TNKS: variants seen among roughly 807,000 people sequenced by gnomAD.
The protein encoded by TNKS is tankyrase.
TNKS carries 72 observed loss-of-function variants against 135.8 expected under a neutral mutation model. The observed-to-expected ratio is 0.53, with a 90% CI of 0.44 to 0.64. The LOEUF (loss-of-function observed/expected upper bound fraction) is 0.64, where lower values mean the gene tolerates loss of function less well. Among genes scored for constraint, TNKS ranks in the 30% least tolerant of loss-of-function variants. The pLI, the probability that TNKS is intolerant of heterozygous loss-of-function variation, is 0.00. For missense variants in TNKS, 1,769 were observed against 1,674.0 expected, an observed-to-expected ratio of 1.06 and a Z score of -0.99; for synonymous variants, 849 against 649.3, an observed-to-expected ratio of 1.31 and a Z score of -4.68.
At chr8:9,615,451 CT>C (rs970372143) in intron 2 of TNKS, 130 bp from the exon 3 acceptor site, 203 of 649,568 alleles carry the variant, frequency 3.1e-4, no homozygotes, top group African/African-American at 1.2e-3. Flanking sequence ...TGCTTTTTTT[CT>C]TTTTTTTTCT....
Position 9,777,134 on chromosome 8 carries a change from G to C in TNKS, c.*398G>C, listed in dbSNP as rs541267471. The C allele has an allele frequency of 6.2e-6, 1 of 162,570 alleles. No homozygotes were observed. Among genetic ancestry groups the C allele is most frequent in the African/African-American group, 2.4e-5 (1 of 41,722 alleles). The allele number at this position is 162,570 out of a possible 1,614,324, so 10.1% of individuals were successfully genotyped here. ...CTATAACAAATATACACATACGACA[G>C]GCAACAAGCTTGTTTTTGATTTGCC... On this transcript the variant is annotated 3_prime_UTR_variant, in exon 27 of 27. Transcript: ENST00000310430.
chr8:9,696,184 G>C (rs879743679), intron 5 of TNKS, among the ~76,000 whole-genome samples: 4 of 152,120 alleles, frequency 2.6e-5, no homozygotes, highest in Non-Finnish European at 5.9e-5. Context: ...GAATGAGTTA[G>C]ACAATGTAGA....
At chr8:9,574,594 A>G (rs937655017) in intron 1 of TNKS, among the ~76,000 whole-genome samples, 18 of 152,326 alleles carry the variant, frequency 1.2e-4, no homozygotes, top group Admixed American at 7.2e-4. Flanking sequence ...CATACTTACA[A>G]TGAAACCCAA....
At chr8:9,595,665 T>C (rs1328326285) in intron 2 of TNKS, among the ~76,000 whole-genome samples, 2 of 152,050 alleles carry the variant, frequency 1.3e-5, no homozygotes, top group East Asian at 3.9e-4. Context: ...TGAAGATGCT[T>C]AAATTAGGTG....
chr8:9,680,124 T>C, intron 4 of TNKS, 137 bp downstream of exon 4: 1 of 619,250 alleles, frequency 1.6e-6, no homozygotes, highest in South Asian at 2.2e-5. Context: ...TAAATCTTTA[T>C]GTACTTTATA....
At chr8:9,769,809 C>T (rs547701011) in intron 25 of TNKS, among the ~76,000 whole-genome samples, 2 of 151,718 alleles carry the variant, frequency 1.3e-5, no homozygotes, top group South Asian at 2.1e-4. Context: ...TTAGTAGAGA[C>T]GAGGTTTTTA....
chr8:9,638,421 TAA>T (rs1337277651), intron 3 of TNKS, among the ~76,000 whole-genome samples: 7 of 152,236 alleles, frequency 4.6e-5, no homozygotes, highest in Admixed American at 4.6e-4. Flanking sequence ...GTTTTGGAAC[TAA>T]AAATCTTCTG....
At chr8:9,764,605 A>G in intron 22 of TNKS, 111 bp from the exon 23 acceptor site, 1 of 670,154 alleles carries the variant, frequency 1.5e-6, no homozygotes, top group Non-Finnish European at 2.3e-6. Flanking sequence ...AAACTTGTTC[A>G]TCAATTTATA....
chr8:9,724,320 G>C (rs1340467184), intron 12 of TNKS, among the ~76,000 whole-genome samples: 2 of 152,096 alleles, frequency 1.3e-5, no homozygotes, highest in African/African-American at 4.8e-5. Flanking sequence ...GGGTATGGTG[G>C]TGCATGCCTA....
intron 1 of TNKS, chr8:9,557,572 T>G (rs966238216): frequency 6.6e-6 from 1 of 152,154 alleles, no homozygotes; most frequent in South Asian, 2.1e-4. Flanking sequence ...ATTAGAAACA[T>G]TATATTGGAA....
chr8:9,569,266 A>C (rs138109466), intron 1 of TNKS, among the ~76,000 whole-genome samples: 1 of 152,336 alleles, frequency 6.6e-6, no homozygotes, highest in Admixed American at 6.5e-5. Context: ...TAGTGTGGAC[A>C]TAGCTCCATA....
At chr8:9,718,277 A>G (rs1804708583) in intron 11 of TNKS, among the ~76,000 whole-genome samples, 1 of 152,166 alleles carries the variant, frequency 6.6e-6, no homozygotes, top group African/African-American at 2.4e-5. Context: ...ACTTGAAATC[A>G]GCTTTTAGGT....
intron 3 of TNKS, among the ~76,000 whole-genome samples, chr8:9,677,950 A>T (rs1802615535): frequency 6.6e-6 from 1 of 152,044 alleles, no homozygotes; most frequent in South Asian, 2.1e-4. Context: ...AAAACTGCTC[A>T]AGTTTCCCCT....
chr8:9,748,910 C>T (rs1292809177), intron 18 of TNKS, among the ~76,000 whole-genome samples: 2 of 152,162 alleles, frequency 1.3e-5, no homozygotes, highest in African/African-American at 4.8e-5. Flanking sequence ...ATAAAGACGG[C>T]TTCATTCATA....
chr8:9,628,188 G>C (rs1268171166), intron 3 of TNKS, among the ~76,000 whole-genome samples: 1 of 151,760 alleles, frequency 6.6e-6, no homozygotes, highest in Non-Finnish European at 1.5e-5. Context: ...ACATTCTTTT[G>C]TGTCAATTCT....
At chr8:9,662,432 C>T (rs966344073) in intron 3 of TNKS, among the ~76,000 whole-genome samples, 2 of 152,144 alleles carry the variant, frequency 1.3e-5, no homozygotes, top group Non-Finnish European at 2.9e-5. Flanking sequence ...AGGATGAGTT[C>T]ATGTCCTTTG....
chr8:9,668,055 T>C (rs894059043), intron 3 of TNKS, among the ~76,000 whole-genome samples: 1 of 152,208 alleles, frequency 6.6e-6, no homozygotes, highest in Non-Finnish European at 1.5e-5. Flanking sequence ...AACTTGTTCA[T>C]TTAGTAGACT....
At chr8:9,586,653 G>A (rs1412661460) in intron 2 of TNKS, among the ~76,000 whole-genome samples, 1 of 151,398 alleles carries the variant, frequency 6.6e-6, no homozygotes, top group Admixed American at 6.6e-5. Context: ...AGAAAAAAAT[G>A]TTAAAACAGC....
At chr8:9,749,707 C>T (rs1042055098) in intron 18 of TNKS, among the ~76,000 whole-genome samples, 1 of 152,082 alleles carries the variant, frequency 6.6e-6, no homozygotes, top group African/African-American at 2.4e-5. Context: ...TCTTGAACTT[C>T]TGGGCTCCTC....
Sources: gnomAD v4.1 joint callset for allele counts (sites outside exome capture counted in the v4.1 genomes callset) on GRCh38, gnomAD v4.1.1 for gene constraint, MANE v1.5 for transcripts, NCBI Gene and HGNC (gene_info 2026-07-23, HGNC 2026-07-21) for gene names.